Variants in NTM observed in about 807,000 individuals in gnomAD.
NTM encodes the protein IgLON family member 2.
NTM carries 13 observed loss-of-function variants against 42.1 expected under a neutral mutation model. The observed-to-expected ratio is 0.31, with a 90% CI of 0.20 to 0.49. The LOEUF (loss-of-function observed/expected upper bound fraction) is 0.49, where lower values mean the gene tolerates loss of function less well. Ranked by LOEUF, NTM falls within the 20% of genes least tolerant of loss-of-function variation. The pLI is 0.99. For synonymous variants in NTM, 187 were observed against 179.2 expected (o/e 1.04, Z -0.35); for missense variants, 373 against 452.8 (o/e 0.82, Z 1.60).
intron 1 of NTM, chr11:131,877,778 G>A (rs1475128879): frequency 6.6e-6 from 1 of 152,072 alleles, no homozygotes; most frequent in Non-Finnish European, 1.5e-5. Flanking sequence ...TTACTTTAAG[G>A]GAGCCCGCCC....
chr11:131,521,286 G>A (rs1262312969), intron 1 of NTM, among the ~76,000 whole-genome samples: 1 of 147,854 alleles, frequency 6.8e-6, no homozygotes, highest in African/African-American at 2.5e-5. Context: ...CTGTACTCCA[G>A]CCTGGGTGAC....
intron 2 of NTM, among the ~76,000 whole-genome samples, chr11:132,015,727 T>G (rs1302398503): frequency 6.6e-6 from 1 of 151,914 alleles, no homozygotes; most frequent in Non-Finnish European, 1.5e-5. Flanking sequence ...AGTGCATTCC[T>G]GGTGTATAGA....
intron 1 of NTM, among the ~76,000 whole-genome samples, chr11:131,770,547 C>T (rs943403293): frequency 3.9e-5 from 6 of 152,312 alleles, no homozygotes; most frequent in Non-Finnish European, 4.4e-5. Flanking sequence ...GTTATGACCA[C>T]TTCAGAGCCT....
intron 1 of NTM, among the ~76,000 whole-genome samples, chr11:131,848,876 A>T (rs955208286): frequency 6.6e-6 from 1 of 152,164 alleles, no homozygotes; most frequent in Non-Finnish European, 1.5e-5. Flanking sequence ...CAAACCAGGG[A>T]GTGTTATTTG....
rs568159990 is a variant in NTM at position 132,095,904 on chromosome 11, T to C, written c.168-50378T>C. Among the ~76,000 whole-genome samples the C allele has an allele frequency of 7.9e-5, 12 of 152,328 alleles. 1 individual carries two copies. In the South Asian group the frequency reaches 2.5e-3, roughly 32 times the overall value. On this transcript the variant is annotated intron_variant, in intron 2 of 8. Coordinates refer to ENST00000683400, the MANE Select transcript of NTM (RefSeq NM_001352005.2). ...TACTCTACCTGGGCCAAAAAGACTC[T>C]TCTCGTGTGTCAGCTGCGGACACTT...
intron 4 of NTM, among the ~76,000 whole-genome samples, chr11:132,272,656 T>G (rs889572627): frequency 2.6e-5 from 4 of 152,176 alleles, no homozygotes; most frequent in Non-Finnish European, 5.9e-5. Context: ...GTTGCTTTTG[T>G]AAATTCATTT....
chr11:131,508,802 G>A (rs1238324447), intron 1 of NTM, among the ~76,000 whole-genome samples: 4 of 148,788 alleles, frequency 2.7e-5, no homozygotes, highest in Non-Finnish European at 4.4e-5. Flanking sequence ...ACCAAACACC[G>A]CATATTCTCA....
intron 1 of NTM, among the ~76,000 whole-genome samples, chr11:131,512,075 G>A (rs1267381294): frequency 6.6e-6 from 1 of 152,018 alleles, no homozygotes; most frequent in South Asian, 2.1e-4. Flanking sequence ...CTCAAGTACC[G>A]AGACCCACAA....
At chr11:132,269,071 A>T (rs1478417067) in intron 4 of NTM, among the ~76,000 whole-genome samples, 1 of 152,144 alleles carries the variant, frequency 6.6e-6, no homozygotes, top group Non-Finnish European at 1.5e-5. Flanking sequence ...ACTCCATGTG[A>T]CCACTTTAAT....
intron 1 of NTM, among the ~76,000 whole-genome samples, chr11:131,782,630 T>A (rs1356075443): frequency 1.3e-5 from 2 of 152,036 alleles, no homozygotes; most frequent in Non-Finnish European, 2.9e-5. Context: ...AATCCAGAAA[T>A]ATATAAATAG....
At chr11:132,269,177 T>G (rs7939952) in intron 4 of NTM, among the ~76,000 whole-genome samples, 1 of 152,082 alleles carries the variant, frequency 6.6e-6, no homozygotes, top group African/African-American at 2.4e-5. Flanking sequence ...GGACATACAA[T>G]AGAACAAGAA....
intron 2 of NTM, among the ~76,000 whole-genome samples, chr11:131,988,814 C>T (rs924866479): frequency 1.3e-5 from 2 of 152,130 alleles, no homozygotes; most frequent in Admixed American, 1.3e-4. Context: ...AGGCTTCTAA[C>T]AAGAGCCTCC....
At chr11:132,154,061 T>G (rs1415773197) in intron 3 of NTM, among the ~76,000 whole-genome samples, 2 of 152,110 alleles carry the variant, frequency 1.3e-5, no homozygotes, top group Non-Finnish European at 2.9e-5. Flanking sequence ...GTGTATGTTG[T>G]GTTGGACGAA....
At chr11:131,977,215 C>T (rs2064532304) in intron 2 of NTM, among the ~76,000 whole-genome samples, 1 of 152,248 alleles carries the variant, frequency 6.6e-6, no homozygotes, top group African/African-American at 2.4e-5. Context: ...AGATAGTTCG[C>T]TGCATTTTTA....
At chr11:131,962,327 C>G (rs556330568) in intron 2 of NTM, among the ~76,000 whole-genome samples, 1 of 152,318 alleles carries the variant, frequency 6.6e-6, no homozygotes, top group East Asian at 1.9e-4. Flanking sequence ...ATGTTATGGA[C>G]TGCACAATTG....
At chr11:131,811,046 T>G (rs2092710209) in intron 1 of NTM, among the ~76,000 whole-genome samples, 1 of 152,238 alleles carries the variant, frequency 6.6e-6, no homozygotes. Context: ...AAGCTACATT[T>G]ATAATAATGT....
chr11:131,813,732 A>G (rs2092832167), intron 1 of NTM, among the ~76,000 whole-genome samples: 1 of 152,206 alleles, frequency 6.6e-6, no homozygotes, highest in African/African-American at 2.4e-5. Context: ...TCTTTCTTCT[A>G]GAAACTTGAC....
chr11:131,919,840 G>A (rs768084250), intron 2 of NTM, among the ~76,000 whole-genome samples: 7 of 152,048 alleles, frequency 4.6e-5, no homozygotes, highest in Non-Finnish European at 4.4e-5. Context: ...CACTTTGGCA[G>A]ATATACCATG....
At chr11:131,907,528 TATAG>T (rs1203505522) in intron 1 of NTM, among the ~76,000 whole-genome samples, 2 of 152,234 alleles carry the variant, frequency 1.3e-5, no homozygotes, top group Non-Finnish European at 2.9e-5. Context: ...GGCATTGTCC[TATAG>T]ATATTTTTTA....
Sources: gnomAD v4.1 joint callset for allele counts (sites outside exome capture counted in the v4.1 genomes callset) on GRCh38, gnomAD v4.1.1 for gene constraint, MANE v1.5 for transcripts, NCBI Gene and HGNC (gene_info 2026-07-23, HGNC 2026-07-21) for gene names.